The following ATP2B2 variants were observed in gnomAD, a reference collection of about 807,000 sequenced individuals.
ATP2B2 encodes the protein ATPase plasma membrane Ca2+ transporting 2, also known as plasma membrane calcium-transporting ATPase 2.
A neutral mutation model predicts 120.0 loss-of-function variants in ATP2B2; 15 were observed. That is an observed-to-expected ratio of 0.12 (90% CI 0.08 to 0.19). The LOEUF (loss-of-function observed/expected upper bound fraction) is 0.19, where lower values mean the gene tolerates loss of function less well. Among genes scored for constraint, ATP2B2 ranks in the 10% least tolerant of loss-of-function variants. The probability of loss-of-function intolerance (pLI) is 1.00; values close to 1 mark genes in which losing one functional copy is unlikely to be tolerated. For synonymous variants in ATP2B2, 694 were observed against 700.3 expected, an observed-to-expected ratio of 0.99 and a Z score of 0.14; for missense variants, 1,045 against 1,719.8, an observed-to-expected ratio of 0.61 and a Z score of 6.94.
chr3:10,529,914 TC>T (rs1231848747), intron 3 of ATP2B2, among the ~76,000 whole-genome samples: 1 of 152,006 alleles, frequency 6.6e-6, no homozygotes, highest in Non-Finnish European at 1.5e-5. Context: ...TCCAAGGAGC[TC>T]CAAAGATGGC....
chr3:10,499,650 T>C (rs1209901041), intron 1 of ATP2B2, among the ~76,000 whole-genome samples: 2 of 152,166 alleles, frequency 1.3e-5, no homozygotes, highest in Admixed American at 1.3e-4. Context: ...CTCAATCCTC[T>C]GCCACATGTT....
chr3:10,470,901 G>A (rs1055446932), intron 1 of ATP2B2, among the ~76,000 whole-genome samples: 1 of 152,122 alleles, frequency 6.6e-6, no homozygotes, highest in African/African-American at 2.4e-5. Flanking sequence ...GGTTGCTATG[G>A]CGACAGCACA....
At chr3:10,529,578 G>A (rs1452895804) in intron 3 of ATP2B2, among the ~76,000 whole-genome samples, 5 of 152,310 alleles carry the variant, frequency 3.3e-5, no homozygotes, top group Non-Finnish European at 7.4e-5. Flanking sequence ...AATATTCTTC[G>A]AGTCTATTTG....
intron 1 of ATP2B2, among the ~76,000 whole-genome samples, chr3:10,477,490 C>A (rs1308407874): frequency 6.6e-6 from 1 of 152,216 alleles, no homozygotes; most frequent in East Asian, 1.9e-4. Flanking sequence ...CTCCACAACC[C>A]ATCTCAGAAC....
At position 10,345,519 on chromosome 3, in the gene ATP2B2, G is replaced by A; in HGVS notation, c.2568C>T (p.Asp856=). 6.2e-7 allele frequency: 1 copy of A among 1,614,238 alleles called. No homozygotes were observed. The change falls in exon 18 of 23, where the codon GAC becomes GAT. Residue 856 remains aspartate, a synonymous_variant. Coordinates refer to ENST00000360273, the MANE Select transcript of ATP2B2 (RefSeq NM_001001331.4). ...KEASDIILTD[D]NFSSIVKAVM... is the part of the protein sequence containing the mutation. ...CTGCCTTGACGATGCTGCTGAAATT[G>A]TCGTCTGTCAGGATGATGTCTGAGG...
At chr3:10,707,739 G>C (rs1324510140) in intron 1 of ATP2B2, among the ~76,000 whole-genome samples, 10 of 151,128 alleles carry the variant, frequency 6.6e-5, no homozygotes, top group African/African-American at 4.9e-5. Context: ...CTGACAAGGC[G>C]CCTGCCTCCG....
At position 10,324,895 on chromosome 3, in the gene ATP2B2, C is replaced by T. The variant is rs2059834851; in HGVS notation, c.*3919G>A. ...GACAACTGGGCCACACATTCTTTCC[C>T]AGCTCCAGGCCTAGGAGAGACTCCT... On this transcript the variant is annotated 3_prime_UTR_variant, in exon 23 of 23. Coordinates refer to ENST00000360273, the MANE Select transcript of ATP2B2 (RefSeq NM_001001331.4). The T allele has an allele frequency of 6.6e-6, 1 of 152,220 alleles. No homozygotes were observed. 9.4% of individuals were successfully genotyped at this position (152,220 alleles called of 1,614,324 possible).
At chr3:10,567,532 A>G (rs1362059386) in intron 2 of ATP2B2, among the ~76,000 whole-genome samples, 2 of 152,206 alleles carry the variant, frequency 1.3e-5, no homozygotes, top group Non-Finnish European at 2.9e-5. Flanking sequence ...GGTCTTGGGC[A>G]TGACTTCTGT....
intron 12 of ATP2B2, among the ~76,000 whole-genome samples, chr3:10,362,508 T>C (rs1435896182): frequency 1.3e-5 from 2 of 152,236 alleles, no homozygotes; most frequent in Admixed American, 1.3e-4. Flanking sequence ...ATCTGTAAGA[T>C]GGAGAGGCTG....
chr3:10,528,649 C>A (rs2067148497), intron 3 of ATP2B2, among the ~76,000 whole-genome samples: 1 of 151,486 alleles, frequency 6.6e-6, no homozygotes, highest in Non-Finnish European at 1.5e-5. Flanking sequence ...GTGTAAGGAA[C>A]ACACCCCTGA....
chr3:10,598,335 C>A (rs909357477), intron 2 of ATP2B2, among the ~76,000 whole-genome samples: 1 of 152,150 alleles, frequency 6.6e-6, no homozygotes, highest in African/African-American at 2.4e-5. Flanking sequence ...AATGGCTTAA[C>A]GTCAACTGTG....
At chr3:10,684,278 A>G (rs2071462923) in intron 1 of ATP2B2, among the ~76,000 whole-genome samples, 2 of 152,380 alleles carry the variant, frequency 1.3e-5, no homozygotes, top group African/African-American at 4.8e-5. Context: ...TGAACTGGAT[A>G]TAAGAGCCAC....
At chr3:10,670,361 T>C (rs1253620634) in intron 1 of ATP2B2, among the ~76,000 whole-genome samples, 1 of 152,220 alleles carries the variant, frequency 6.6e-6, no homozygotes, top group Non-Finnish European at 1.5e-5. Context: ...CAACATTTTT[T>C]TTAACGGGAA....
chr3:10,456,923 C>T (rs1439388244), intron 1 of ATP2B2, among the ~76,000 whole-genome samples: 1 of 152,234 alleles, frequency 6.6e-6, no homozygotes, highest in Non-Finnish European at 1.5e-5. Flanking sequence ...TGAACTCAGC[C>T]TGCAGTTGGG....
At chr3:10,434,842 A>C (rs1197876157) in intron 2 of ATP2B2, among the ~76,000 whole-genome samples, 1 of 152,254 alleles carries the variant, frequency 6.6e-6, no homozygotes, top group Non-Finnish European at 1.5e-5. Context: ...AGGCCTGGAA[A>C]TTGGGGTCAA....
At chr3:10,391,872 A>G (rs1015097014) in intron 5 of ATP2B2, among the ~76,000 whole-genome samples, 1 of 152,182 alleles carries the variant, frequency 6.6e-6, no homozygotes, top group Non-Finnish European at 1.5e-5. Context: ...CTGGACACTG[A>G]GTCCTGTCTC....
chr3:10,638,228 A>C (rs2070075414), intron 1 of ATP2B2, among the ~76,000 whole-genome samples: 1 of 152,210 alleles, frequency 6.6e-6, no homozygotes, highest in Non-Finnish European at 1.5e-5. Context: ...GTAGGCAAAT[A>C]TATAGGATTT....
chr3:10,326,734 G>A lies in ATP2B2; in HGVS notation c.*2080C>T, dbSNP rs1377784812. 5.0e-6 allele frequency: 2 copies of A among 398,904 alleles called. No homozygotes were observed. Among genetic ancestry groups the A allele is most frequent in the South Asian group, 1.3e-4 (1 of 7,848 alleles). The allele number at this position is 398,904 out of a possible 1,614,324, so 24.7% of individuals were successfully genotyped here. Reference sequence around the variant, plus strand: ...CTTCTTCACGACATTCAGGTGATGCGCTCTTGAAGGTCCTCCTTCCAGGAG... The same window carrying A: ...CTTCTTCACGACATTCAGGTGATGCACTCTTGAAGGTCCTCCTTCCAGGAG... On this transcript the variant is annotated 3_prime_UTR_variant, in exon 23 of 23. Transcript: ENST00000360273.
intron 1 of ATP2B2, among the ~76,000 whole-genome samples, chr3:10,487,759 T>C (rs555091123): frequency 6.6e-6 from 1 of 152,298 alleles, no homozygotes; most frequent in Non-Finnish European, 1.5e-5. Context: ...TGGGCCATGG[T>C]GCCAGGCACC....
Sources: gnomAD v4.1 joint callset for allele counts (sites outside exome capture counted in the v4.1 genomes callset) on GRCh38, gnomAD v4.1.1 for gene constraint, MANE v1.5 for transcripts, NCBI Gene and HGNC (gene_info 2026-07-23, HGNC 2026-07-21) for gene names.